Variants in DSCAM observed in about 807,000 individuals in gnomAD.
DSCAM encodes cell adhesion molecule DSCAM.
In DSCAM, 47 loss-of-function variants were observed where a neutral mutation model predicts 217.7. The observed-to-expected ratio is 0.22, with a 90% confidence interval of 0.17 to 0.28. The LOEUF (loss-of-function observed/expected upper bound fraction) is 0.28, where lower values mean the gene tolerates loss of function less well. Ranked by LOEUF, DSCAM falls within the 10% of genes least tolerant of loss-of-function variation. The pLI is 1.00. For synonymous variants in DSCAM, 1,056 were observed against 1,015.3 expected (o/e 1.04, Z -0.76); for missense variants, 2,080 against 2,618.3 (o/e 0.79, Z 4.49).
At position 40,144,767 on chromosome 21, in the gene DSCAM, T is replaced by C. The variant is rs772676917; in HGVS notation, c.3019-36A>G. ...GAGAAAAGAACACACTAAAGAAGTC[T>C]TGAGGTAGGACAAGAGCGAAATCAA... On this transcript the variant is annotated intron_variant, in intron 16 of 32. Coordinates refer to ENST00000400454, the MANE Select transcript of DSCAM (RefSeq NM_001389.5). The surrounding 1 kb of genome is among the most constrained non-coding windows in gnomAD (Gnocchi z 4.8). The C allele has an allele frequency of 3.3e-5, 53 of 1,611,972 alleles. No individual in the cohort carries two copies. Among genetic ancestry groups the C allele is most frequent in the Non-Finnish European group, 2.7e-5 (32 of 1,179,260 alleles).
rs190515555 is a variant in DSCAM at position 40,080,012 on chromosome 21, G to A, written c.4420+140C>T. The stretch of plus-strand genomic sequence containing the variant: ...GTCCAGCTGTCCCTCTCATTATGCC[G>A]TGGCACTGCTGAAGCCATGTGAGGA... On this transcript the variant is annotated intron_variant, in intron 25 of 32. Coordinates refer to ENST00000400454, the MANE Select transcript of DSCAM (RefSeq NM_001389.5). 34 of 724,708 alleles carry A rather than the reference G, an allele frequency of 4.7e-5. 3 individuals are homozygous for A. The highest frequency in any genetic ancestry group is 2.0e-4 in the African/African-American group (11 of 55,860). 44.9% of individuals were successfully genotyped at this position (724,708 alleles called of 1,614,324 possible).
chr21:40,489,811 T>C (rs566278048), intron 3 of DSCAM, among the ~76,000 whole-genome samples: 155 of 143,782 alleles, frequency 1.1e-3, no homozygotes, highest in Middle Eastern at 3.7e-3. Flanking sequence ...ATAAGTACCA[T>C]TGGTTCTGTT....
At chr21:40,028,471 T>G (rs1180326508) in intron 32 of DSCAM, among the ~76,000 whole-genome samples, 1 of 151,790 alleles carries the variant, frequency 6.6e-6, no homozygotes, top group Non-Finnish European at 1.5e-5. Context: ...TGCAGTTTGA[T>G]CTCAGACTGC....
chr21:40,360,299 A>T (rs995149140), intron 4 of DSCAM, among the ~76,000 whole-genome samples: 3 of 151,002 alleles, frequency 2.0e-5, no homozygotes, highest in Non-Finnish European at 4.4e-5. Context: ...CGCCCGGCTA[A>T]TTTTTTTTGT....
chr21:40,046,626 T>C (rs2146486460), intron 30 of DSCAM, among the ~76,000 whole-genome samples: 1 of 152,346 alleles, frequency 6.6e-6, no homozygotes, highest in East Asian at 1.9e-4. Flanking sequence ...AAGCTTGTTA[T>C]TTAAATGCTA....
intron 11 of DSCAM, among the ~76,000 whole-genome samples, chr21:40,201,792 AT>A (rs1442100954): frequency 2.0e-4 from 31 of 152,200 alleles, no homozygotes; most frequent in Non-Finnish European, 5.9e-5. Flanking sequence ...ATAGATTTTG[AT>A]TTCCTGCCAT....
chr21:40,190,732 C>T (rs568593945), intron 11 of DSCAM, among the ~76,000 whole-genome samples: 1 of 152,258 alleles, frequency 6.6e-6, no homozygotes, highest in South Asian at 2.1e-4. Flanking sequence ...GTCCTCTGTC[C>T]AGGCCCACTG....
At chr21:40,845,567 C>G (rs1345351098) in intron 1 of DSCAM, among the ~76,000 whole-genome samples, 3 of 149,500 alleles carry the variant, frequency 2.0e-5, no homozygotes, top group East Asian at 2.0e-4. Context: ...CTCTCTCTCT[C>G]TCTGTCTCTG....
chr21:40,058,119 G>A (rs543717192), intron 28 of DSCAM, among the ~76,000 whole-genome samples: 12 of 151,848 alleles, frequency 7.9e-5, no homozygotes, highest in East Asian at 3.9e-4. Flanking sequence ...TGATCCACCC[G>A]CCTCAGCCTC....
chr21:40,583,239 C>G (rs1371198667), intron 3 of DSCAM, among the ~76,000 whole-genome samples: 1 of 152,220 alleles, frequency 6.6e-6, no homozygotes, highest in Non-Finnish European at 1.5e-5. Context: ...GGGGCCAGTA[C>G]ACATTGTACC....
chr21:40,048,533 G>C (rs894879111), intron 30 of DSCAM, among the ~76,000 whole-genome samples: 3 of 152,192 alleles, frequency 2.0e-5, no homozygotes, highest in Non-Finnish European at 4.4e-5. Context: ...ATAAGAATCT[G>C]TTGCAACCCT....
At chr21:40,799,324 TGA>T (rs2091718525) in intron 1 of DSCAM, among the ~76,000 whole-genome samples, 3 of 152,134 alleles carry the variant, frequency 2.0e-5, no homozygotes, top group Non-Finnish European at 4.4e-5. Context: ...AATTTATTGC[TGA>T]CATTACCTTC....
At chr21:40,612,387 C>T (rs2089327545) in intron 3 of DSCAM, among the ~76,000 whole-genome samples, 1 of 152,148 alleles carries the variant, frequency 6.6e-6, no homozygotes, top group Non-Finnish European at 1.5e-5. Flanking sequence ...TGAAGTGTGA[C>T]TACCCAGAAA....
Position 40,577,207 on chromosome 21 carries a change from T to G in DSCAM, c.508+115603A>C, listed in dbSNP as rs2146213701. On this transcript the variant is annotated intron_variant, in intron 3 of 32. Coordinates refer to ENST00000400454, the MANE Select transcript of DSCAM (RefSeq NM_001389.5). ...CACCATCCCTTATTATGGAGAAATT[T>G]GAAAATATAAAATTATTTACTCAAA... Among the ~76,000 whole-genome samples, 3 of 150,950 alleles carry G rather than the reference T, an allele frequency of 2.0e-5. No individual in the cohort carries two copies. The East Asian group carries it at 5.8e-4, about 29-fold the overall frequency.
rs61637421 is a variant in DSCAM, at chr21:40,342,648, A to ATATTTTT, written c.1211-3234_1211-3233insAAAAATA. 5.6e-4 allele frequency among the ~76,000 whole-genome samples: 45 copies of ATATTTTT among 80,308 alleles called. 1 individual carries two copies. The highest frequency in any genetic ancestry group is 7.3e-4 in the African/African-American group (14 of 19,184). 52.7% of individuals were successfully genotyped at this position (80,308 alleles called of 152,430 possible). Reference sequence around the variant, plus strand: ...TGTGTATATATATATATATATATATATTTTTTTTTTTTTTTTGAGACAGTG... The same window carrying ATATTTTT: ...TGTGTATATATATATATATATATATATATTTTTTTTTTTTTTTTTTTTTGAGACAGTG... On this transcript the variant is annotated intron_variant, in intron 6 of 32. Transcript: ENST00000400454.
chr21:40,159,723 T>C (rs2090518889), intron 16 of DSCAM, among the ~76,000 whole-genome samples: 1 of 152,158 alleles, frequency 6.6e-6, no homozygotes, highest in Admixed American at 6.5e-5. Flanking sequence ...GCTGCGACTA[T>C]AGGCATGATC....
chr21:40,400,605 C>A (rs890610983), intron 3 of DSCAM, among the ~76,000 whole-genome samples: 2 of 152,178 alleles, frequency 1.3e-5, no homozygotes, highest in African/African-American at 2.4e-5. Flanking sequence ...GTTGTAGAGA[C>A]AAGGTCTTGC....
intron 1 of DSCAM, among the ~76,000 whole-genome samples, chr21:40,831,512 T>G (rs1053833973): frequency 6.6e-6 from 1 of 152,198 alleles, no homozygotes; most frequent in Non-Finnish European, 1.5e-5. Context: ...AAGCTCAAAC[T>G]GATACAAAAC....
At chr21:40,138,778 TG>T (rs983454063) in intron 18 of DSCAM, among the ~76,000 whole-genome samples, 11 of 137,448 alleles carry the variant, frequency 8.0e-5, no homozygotes, top group Middle Eastern at 4.4e-3. Context: ...GTGCAGTGTA[TG>T]GGGGGTATGT....
Sources: gnomAD v4.1 joint callset for allele counts (sites outside exome capture counted in the v4.1 genomes callset) on GRCh38, gnomAD v4.1.1 for gene constraint, Gnocchi (gnomAD v3.1) non-coding constraint, MANE v1.5 for transcripts, NCBI Gene and HGNC (gene_info 2026-07-23, HGNC 2026-07-21) for gene names.